The following TEAD2 variants were observed in gnomAD, a reference collection of about 807,000 sequenced individuals.
TEAD2 encodes the protein transcriptional enhancer factor TEF-4.
In TEAD2, 51 loss-of-function variants were observed where a neutral mutation model predicts 61.4. That is an observed-to-expected ratio of 0.83 (90% CI 0.66 to 1.05). The LOEUF is 1.05. Among genes scored for constraint, TEAD2 ranks in the 50% least tolerant of loss-of-function variants. The pLI is 0.00. For synonymous variants in TEAD2, 244 were observed against 243.2 expected (o/e 1.00, Z -0.03); for missense variants, 509 against 600.0 (o/e 0.85, Z 1.58).
At chr19:49,355,679 T>G (rs1972343090) in intron 5 of TEAD2, among the ~76,000 whole-genome samples, 1 of 151,930 alleles carries the variant, frequency 6.6e-6, no homozygotes, top group Non-Finnish European at 1.5e-5. Context: ...ATACAAAAAC[T>G]AGCCAGGTGT....
intron 1 of TEAD2, chr19:49,360,438 G>A (rs907461836): frequency 3.2e-6 from 1 of 311,142 alleles, no homozygotes; most frequent in Non-Finnish European, 5.9e-6. Context: ...GGGAGGAGAA[G>A]GAGCTGGATT....
intron 10 of TEAD2, among the ~76,000 whole-genome samples, chr19:49,343,855 T>TGG (rs549395579): frequency 0.016 from 1,853 of 113,412 alleles, 73 homozygotes; most frequent in African/African-American, 0.058. Context: ...TCTTTTTTTT[T>TGG]GGGGGGGGGG....
At chr19:49,360,165 A>C in intron 1 of TEAD2, 84 bp from the exon 2 acceptor site, 1 of 1,131,978 alleles carries the variant, frequency 8.8e-7, no homozygotes, top group Non-Finnish European at 1.3e-6. Context: ...ACTCTGGACC[A>C]CTGGGTCTGA....
At chr19:49,345,749 C>A (rs1971586973) in intron 10 of TEAD2, among the ~76,000 whole-genome samples, 1 of 152,182 alleles carries the variant, frequency 6.6e-6, no homozygotes. Flanking sequence ...TGAGCCCAGG[C>A]CAGGCACTGT....
Position 49,355,136 on chromosome 19 carries a change from CAT to C in TEAD2, c.539+10_539+11del. ...GGGGGGCAGGTGCTGAGCCAGGACA[CAT>C]AGTACTCACTCTGGAACATTCCAGG... On this transcript the variant is annotated intron_variant, in intron 7 of 12. Transcript: ENST00000593945. 2 of 1,604,174 alleles carry C rather than the reference CAT, an allele frequency of 1.2e-6. No homozygotes were observed. The highest frequency in any genetic ancestry group is 8.5e-7 in the Non-Finnish European group (1 of 1,174,800).
intron 8 of TEAD2, among the ~76,000 whole-genome samples, chr19:49,351,036 C>T (rs373488367): frequency 1.1e-4 from 17 of 151,960 alleles, no homozygotes; most frequent in South Asian, 2.1e-4. Flanking sequence ...AAAATTAGCC[C>T]GGCATGGTGG....
At chr19:49,355,815 G>A in intron 5 of TEAD2, 144 bp downstream of exon 5, 2 of 713,554 alleles carry the variant, frequency 2.8e-6, no homozygotes, top group Non-Finnish European at 4.2e-6. Flanking sequence ...GACAGAGCAA[G>A]ACCCTGTCTC....
At chr19:49,357,565 T>C in intron 3 of TEAD2, 1 of 573,606 alleles carries the variant, frequency 1.7e-6, no homozygotes, top group Non-Finnish European at 3.1e-6. Flanking sequence ...CTGTGGCTAC[T>C]CTGGGTCTAA....
At chr19:49,356,482 C>A (rs1012263776) in intron 4 of TEAD2, among the ~76,000 whole-genome samples, 2 of 151,564 alleles carry the variant, frequency 1.3e-5, no homozygotes, top group Admixed American at 1.3e-4. Context: ...TGAGGGTCTC[C>A]GGCCAACAGG....
intron 4 of TEAD2, among the ~76,000 whole-genome samples, chr19:49,356,488 A>G (rs1972410190): frequency 6.6e-6 from 1 of 152,092 alleles, no homozygotes; most frequent in South Asian, 2.1e-4. Flanking sequence ...TCTCCGGCCA[A>G]CAGGAACCAG....
intron 10 of TEAD2, 58 bp downstream of exon 10, chr19:49,347,132 C>T (rs1971699812): frequency 3.1e-6 from 5 of 1,593,908 alleles, no homozygotes; most frequent in African/African-American, 1.3e-5. Context: ...GGGCCAGAGG[C>T]CTTTGCTGGG....
At chr19:49,343,177 G>A in intron 11 of TEAD2, 54 bp downstream of exon 11, 1 of 1,546,226 alleles carries the variant, frequency 6.5e-7, no homozygotes, top group African/African-American at 1.4e-5. Context: ...GATGGCTTCT[G>A]GTCCATTCTG....
At chr19:49,355,887 C>A in intron 5 of TEAD2, 72 bp downstream of exon 5, 1 of 1,277,232 alleles carries the variant, frequency 7.8e-7, no homozygotes, top group Non-Finnish European at 9.9e-7. Context: ...CCCCACAGCC[C>A]TCTGCCCCTC....
chr19:49,348,628 T>C (rs1971801040), intron 9 of TEAD2, 75 bp downstream of exon 9: 1 of 1,344,760 alleles, frequency 7.4e-7, no homozygotes, highest in Non-Finnish European at 1.1e-6. Flanking sequence ...TTTAAAACCA[T>C]GACTTTATAC....
At position 49,343,232 on chromosome 19, in the gene TEAD2, T is replaced by A. The variant is rs995479447; in HGVS notation, c.1088A>T (p.Glu363Val). 2 of 1,608,230 alleles carry A rather than the reference T, an allele frequency of 1.2e-6. No homozygotes were observed. Among genetic ancestry groups the A allele is most frequent in the African/African-American group, 2.7e-5 (2 of 74,770 alleles). Residue 363 changes from glutamate to valine, a missense_variant and splice_region_variant, in exon 11 of 13, where the codon GAG becomes GTG. Transcript: ENST00000593945. The stretch of plus-strand genomic sequence containing the variant: ...AGAGCTCCACCCCTCCAGCCTCACC[T>A]CCACCTTCTCCACCACCTGCTTGCC... ...SFGKQVVEKV[E>V]TERAQLEDGR... is the part of the protein sequence containing the mutation.
Position 49,359,452 on chromosome 19 carries a change from T to G in TEAD2, c.280A>C (p.Thr94Pro). The G allele has an allele frequency of 6.2e-7, 1 of 1,613,866 alleles. No homozygotes were observed. The highest frequency in any genetic ancestry group is 8.5e-7 in the Non-Finnish European group (1 of 1,179,962). The change falls in exon 3 of 13, where the codon ACC (threonine) becomes CCC (proline). Residue 94 changes from threonine to proline, a missense_variant. Transcript: ENST00000593945. The surrounding 1 kb of genome is among the most constrained non-coding windows in gnomAD (Gnocchi z 4.1). ...ARYIKLRTGK[T>P]RTRKQVSSHI... ...TCCGAGACCTGTTTTCGAGTTCGGG[T>G]CTTCCCCGTTCTCAGCTTGATGTAG... is the stretch of plus-strand genomic sequence containing the variant.
intron 11 of TEAD2, 70 bp downstream of exon 11, chr19:49,343,161 A>T: frequency 6.7e-7 from 1 of 1,500,126 alleles, no homozygotes; most frequent in Non-Finnish European, 8.9e-7. Flanking sequence ...CAAATGCCTG[A>T]GTCATGATGG....
At position 49,340,780 on chromosome 19, in the gene TEAD2, TAA is replaced by T. The variant is rs11418227; in HGVS notation, c.*542_*543del. On this transcript the variant is annotated 3_prime_UTR_variant, in exon 13 of 13. Coordinates refer to ENST00000593945, the MANE Select transcript of TEAD2 (RefSeq NM_001256660.2). ...CCCACTTATAAATATCTCGTTATAT[TAA>T]AAAAAAAAAAAATGTCCAGGGCCCA... 2.2e-3 allele frequency: 381 copies of T among 173,280 alleles called. No individual in the cohort carries two copies. The highest frequency in any genetic ancestry group is 4.0e-3 in the East Asian group (26 of 6,542). The allele number at this position is 173,280 out of a possible 1,614,324, so 10.7% of individuals were successfully genotyped here.
At chr19:49,352,639 C>T (rs1448986446) in intron 7 of TEAD2, among the ~76,000 whole-genome samples, 5 of 152,250 alleles carry the variant, frequency 3.3e-5, no homozygotes, top group South Asian at 2.1e-4. Context: ...TGCATTCAAG[C>T]GATTCTCCTG....
Sources: allele counts gnomAD v4.1 joint callset (sites outside exome capture counted in the v4.1 genomes callset), GRCh38; gene constraint gnomAD v4.1.1; non-coding constraint Gnocchi (gnomAD v3.1); transcripts MANE v1.5; gene names NCBI Gene and HGNC (gene_info 2026-07-23, HGNC 2026-07-21).